The following TLK2 variants were observed in gnomAD, a reference collection of about 807,000 sequenced individuals.
TLK2 encodes serine/threonine-protein kinase tousled-like 2.
A neutral mutation model predicts 117.3 loss-of-function variants in TLK2; 6 were observed. The ratio of observed to expected loss-of-function variants is 0.05; its 90% CI spans 0.03 to 0.10. The LOEUF is 0.10. Among genes scored for constraint, TLK2 ranks in the 10% least tolerant of loss-of-function variants. The pLI is 1.00. For synonymous variants in TLK2, 257 were observed against 316.7 expected (o/e 0.81, Z 2.00); for missense variants, 299 against 901.2 (o/e 0.33, Z 8.56).
chr17:62,580,705 C>A (rs1205027442), intron 15 of TLK2, among the ~76,000 whole-genome samples: 1 of 152,122 alleles, frequency 6.6e-6, no homozygotes, highest in Non-Finnish European at 1.5e-5. Flanking sequence ...TGCTGAGCTT[C>A]CAGGTTGATT....
intron 7 of TLK2, among the ~76,000 whole-genome samples, chr17:62,543,300 A>G (rs2077670631): frequency 6.6e-6 from 1 of 152,178 alleles, no homozygotes; most frequent in African/African-American, 2.4e-5. Context: ...ATTATGAATG[A>G]TGTTGCTATG....
At chr17:62,498,729 C>G (rs962083651) in intron 2 of TLK2, among the ~76,000 whole-genome samples, 1 of 152,030 alleles carries the variant, frequency 6.6e-6, no homozygotes, top group African/African-American at 2.4e-5. Context: ...CTTGGTAGCT[C>G]ATTTTGAAAG....
chr17:62,531,166 A>G (rs1320496546), intron 6 of TLK2, among the ~76,000 whole-genome samples: 2 of 152,110 alleles, frequency 1.3e-5, no homozygotes, highest in African/African-American at 4.8e-5. Flanking sequence ...GTCTCTTTGA[A>G]TATTATCTCT....
At chr17:62,541,812 A>C (rs1451081488) in intron 7 of TLK2, among the ~76,000 whole-genome samples, 1 of 151,868 alleles carries the variant, frequency 6.6e-6, no homozygotes, top group Non-Finnish European at 1.5e-5. Context: ...ACTGCACTCC[A>C]GCCTGGGTGA....
chr17:62,593,952 CCTGCTG>C (rs1282030382), intron 16 of TLK2, among the ~76,000 whole-genome samples: 1 of 151,704 alleles, frequency 6.6e-6, no homozygotes, highest in African/African-American at 2.4e-5. Context: ...ACCACCGCTC[CCTGCTG>C]CTTTTTGTAT....
At chr17:62,609,322 C>T (rs2083556277) in intron 21 of TLK2, among the ~76,000 whole-genome samples, 1 of 152,076 alleles carries the variant, frequency 6.6e-6, no homozygotes, top group Non-Finnish European at 1.5e-5. Context: ...AGGCTCAAGC[C>T]ATCCGCCTGC....
At chr17:62,595,815 T>C (rs1054490115) in intron 16 of TLK2, among the ~76,000 whole-genome samples, 1 of 152,228 alleles carries the variant, frequency 6.6e-6, no homozygotes, top group Admixed American at 6.5e-5. Flanking sequence ...GTACTGCTAA[T>C]TGATTTATGT....
Position 62,564,994 on chromosome 17 carries a change from C to T in TLK2, c.832-7C>T, listed in dbSNP as rs759750333. On this transcript the variant is annotated splice_region_variant and splice_polypyrimidine_tract_variant and intron_variant, in intron 10 of 21. Coordinates refer to ENST00000346027, the MANE Select transcript of TLK2 (RefSeq NM_006852.6). ...TTGAATTCCTTTTTTTGTCTGTTTC[C>T]CCTAAGTCAAAACAAGAGAAGATGG... is the stretch of plus-strand genomic sequence containing the variant. 7 of 1,597,710 alleles carry T rather than the reference C, an allele frequency of 4.4e-6. No individual in the cohort carries two copies. The East Asian group carries it at 6.7e-5, about 15-fold the overall frequency.
chr17:62,604,719 G>A (rs1000073188), intron 19 of TLK2, among the ~76,000 whole-genome samples: 1 of 151,524 alleles, frequency 6.6e-6, no homozygotes, highest in East Asian at 2.0e-4. Context: ...GACCATCCTG[G>A]CCAACATGGT....
intron 1 of TLK2, 92 bp from the exon 2 acceptor site, chr17:62,481,029 A>C (rs957086962): frequency 2.6e-6 from 3 of 1,174,404 alleles, no homozygotes; most frequent in Non-Finnish European, 3.7e-6. Context: ...TTGATCTTTC[A>C]GTGAAATAAT....
chr17:62,515,177 T>C (rs1245416121), intron 2 of TLK2, among the ~76,000 whole-genome samples: 1 of 152,218 alleles, frequency 6.6e-6, no homozygotes, highest in Admixed American at 6.5e-5. Flanking sequence ...TTATCCATGT[T>C]GTAGAATGTA....
At chr17:62,564,564 C>T (rs1450499111) in intron 10 of TLK2, among the ~76,000 whole-genome samples, 3 of 144,340 alleles carry the variant, frequency 2.1e-5, no homozygotes, top group Non-Finnish European at 3.0e-5. Context: ...AAAAATTATC[C>T]GGACGTGGTG....
Position 62,565,651 on chromosome 17 carries a change from CA to C in TLK2, c.968+532del, listed in dbSNP as rs5821367. On this transcript the variant is annotated intron_variant, in intron 11 of 21. Transcript: ENST00000346027. ...TGGGCGACAGAGCAAGACTCCATCT[CA>C]AAAAAAAAAAAAAAAAAGAATGAGT... Among the ~76,000 whole-genome samples the C allele has an allele frequency of 5.6e-4, 57 of 101,142 alleles. 1 individual carries two copies. Among genetic ancestry groups the C allele is most frequent in the Admixed American group, 8.3e-4 (7 of 8,478 alleles). 66.4% of individuals were successfully genotyped at this position (101,142 alleles called of 152,430 possible).
intron 2 of TLK2, among the ~76,000 whole-genome samples, chr17:62,496,458 A>T (rs2073694500): frequency 1.3e-5 from 2 of 152,278 alleles, no homozygotes; most frequent in East Asian, 3.9e-4. Context: ...TCAAGGATGT[A>T]TGCATTTGTG....
chr17:62,531,570 TG>T (rs980188955), intron 6 of TLK2, among the ~76,000 whole-genome samples: 32 of 152,306 alleles, frequency 2.1e-4, no homozygotes, highest in African/African-American at 7.0e-4. Context: ...ATTTCTTTTA[TG>T]CTTTGTTTTT....
chr17:62,608,175 A>G, intron 21 of TLK2, 27 bp downstream of exon 21: 4 of 1,583,924 alleles, frequency 2.5e-6, no homozygotes, highest in Non-Finnish European at 3.5e-6. Context: ...CCATTGGCCA[A>G]CAGAAACGGC....
intron 11 of TLK2, among the ~76,000 whole-genome samples, chr17:62,566,817 TC>T: frequency 6.6e-6 from 1 of 152,348 alleles, no homozygotes; most frequent in South Asian, 2.1e-4. Context: ...TACACTGACT[TC>T]TAGTAGTGGT....
chr17:62,598,384 A>T (rs2082632929), intron 17 of TLK2, among the ~76,000 whole-genome samples: 1 of 152,162 alleles, frequency 6.6e-6, no homozygotes, highest in African/African-American at 2.4e-5. Context: ...TCTTGAGTTG[A>T]TTACTTTGTT....
Position 62,614,439 on chromosome 17 carries a change from A to C in TLK2, c.*1874A>C, listed in dbSNP as rs2083993856. 6.6e-6 allele frequency: 1 copy of C among 152,258 alleles called. No individual in the cohort carries two copies. The highest frequency in any genetic ancestry group is 2.1e-4 in the South Asian group (1 of 4,836). The allele number at this position is 152,258 out of a possible 1,614,324, so 9.4% of individuals were successfully genotyped here. On this transcript the variant is annotated 3_prime_UTR_variant, in exon 22 of 22. Coordinates refer to ENST00000346027, the MANE Select transcript of TLK2 (RefSeq NM_006852.6). ...GTTGTCTGGGCAGGGAGGGGGAGTC[A>C]GAAAGGGTAGAGAGCTCTCAAATAA...
Sources: allele counts gnomAD v4.1 joint callset (sites outside exome capture counted in the v4.1 genomes callset), GRCh38; gene constraint gnomAD v4.1.1; transcripts MANE v1.5; gene names NCBI Gene and HGNC (gene_info 2026-07-23, HGNC 2026-07-21).